The following HS6ST3 variants were observed in gnomAD, a reference collection of about 807,000 sequenced individuals.
HS6ST3 encodes the protein heparan sulfate 6-O-sulfotransferase 3, also known as heparan-sulfate 6-O-sulfotransferase 3.
A neutral mutation model predicts 36.7 loss-of-function variants in HS6ST3; 12 were observed. That is an observed-to-expected ratio of 0.33 (90% CI 0.21 to 0.53). HS6ST3 has a LOEUF of 0.53. Among genes scored for constraint, HS6ST3 ranks in the 20% least tolerant of loss-of-function variants. HS6ST3 has a pLI of 0.95. For missense variants in HS6ST3, 584 were observed against 640.9 expected (o/e 0.91, Z 0.96); for synonymous variants, 240 against 257.5 (o/e 0.93, Z 0.65).
At chr13:96,751,823 T>C (rs1352002682) in intron 1 of HS6ST3, among the ~76,000 whole-genome samples, 1 of 151,326 alleles carries the variant, frequency 6.6e-6, no homozygotes, top group Non-Finnish European at 1.5e-5. Flanking sequence ...TATATACACA[T>C]ATGTACACAC....
chr13:96,360,358 G>T (rs1277473450), intron 1 of HS6ST3, among the ~76,000 whole-genome samples: 2 of 152,006 alleles, frequency 1.3e-5, no homozygotes, highest in African/African-American at 4.8e-5. Flanking sequence ...CATTGTTGGG[G>T]TACAGAACAA....
chr13:96,727,381 T>C (rs183629256), intron 1 of HS6ST3, among the ~76,000 whole-genome samples: 2 of 152,148 alleles, frequency 1.3e-5, no homozygotes, highest in Admixed American at 1.3e-4. Flanking sequence ...TTAGTTCTTA[T>C]GATGATCACT....
intron 1 of HS6ST3, among the ~76,000 whole-genome samples, chr13:96,571,411 C>A (rs2056300529): frequency 6.6e-6 from 1 of 152,048 alleles, no homozygotes; most frequent in South Asian, 2.1e-4. Flanking sequence ...TAAATAAGGT[C>A]AATGATAAAC....
chr13:96,254,907 C>T (rs1387217190), intron 1 of HS6ST3, among the ~76,000 whole-genome samples: 1 of 152,156 alleles, frequency 6.6e-6, no homozygotes, highest in Non-Finnish European at 1.5e-5. Context: ...GATTTTTGAC[C>T]TTGTGGCTTT....
intron 1 of HS6ST3, among the ~76,000 whole-genome samples, chr13:96,274,857 A>ACG (rs1331169575): frequency 1.3e-5 from 2 of 148,828 alleles, no homozygotes; most frequent in Non-Finnish European, 3.0e-5. Context: ...ACACACACAC[A>ACG]CACACACACA....
chr13:96,610,852 T>G (rs2056454707), intron 1 of HS6ST3, among the ~76,000 whole-genome samples: 1 of 144,834 alleles, frequency 6.9e-6, no homozygotes, highest in Non-Finnish European at 1.5e-5. Flanking sequence ...CTGAAAAAAA[T>G]GAAAAAAAAA....
chr13:96,252,098 TA>T (rs1388563070), intron 1 of HS6ST3, among the ~76,000 whole-genome samples: 3 of 152,218 alleles, frequency 2.0e-5, no homozygotes, highest in Non-Finnish European at 4.4e-5. Context: ...GTAGTTTTCT[TA>T]TTAATTTTGT....
chr13:96,511,732 A>G (rs1363341677), intron 1 of HS6ST3, among the ~76,000 whole-genome samples: 2 of 151,848 alleles, frequency 1.3e-5, no homozygotes, highest in Non-Finnish European at 2.9e-5. Flanking sequence ...TTTTAATTTA[A>G]TCAAATCCAT....
At chr13:96,467,773 GAGA>G (rs1167094324) in intron 1 of HS6ST3, among the ~76,000 whole-genome samples, 2 of 152,118 alleles carry the variant, frequency 1.3e-5, no homozygotes, top group South Asian at 2.1e-4. Context: ...TGAGTACATT[GAGA>G]AGAAGAAGGA....
chr13:96,385,647 C>T (rs1405998641), intron 1 of HS6ST3, among the ~76,000 whole-genome samples: 1 of 152,030 alleles, frequency 6.6e-6, no homozygotes, highest in Non-Finnish European at 1.5e-5. Flanking sequence ...CACATTTGTC[C>T]ATCTCTTAAG....
At chr13:96,761,140 G>T (rs11842188) in intron 1 of HS6ST3, among the ~76,000 whole-genome samples, 41,800 of 150,134 alleles carry the variant, frequency 0.28, 5,961 homozygotes, top group Non-Finnish European at 0.32. Context: ...TTTGAGACAG[G>T]TCCTCACTGT....
chr13:96,409,864 T>C (rs906456078), intron 1 of HS6ST3, among the ~76,000 whole-genome samples: 5 of 152,154 alleles, frequency 3.3e-5, no homozygotes, highest in African/African-American at 9.7e-5. Context: ...AAACATCTTA[T>C]GAAGCGTGGT....
chr13:96,398,176 C>T (rs867408825), intron 1 of HS6ST3, among the ~76,000 whole-genome samples: 7 of 152,200 alleles, frequency 4.6e-5, no homozygotes, highest in South Asian at 2.1e-4. Flanking sequence ...AAGTGCTGAA[C>T]ACATGCTGCT....
chr13:96,363,142 C>A (rs2055246795), intron 1 of HS6ST3, among the ~76,000 whole-genome samples: 1 of 152,090 alleles, frequency 6.6e-6, no homozygotes, highest in South Asian at 2.1e-4. Context: ...CACACACTCA[C>A]ACACACCACA....
intron 1 of HS6ST3, among the ~76,000 whole-genome samples, chr13:96,225,185 C>T (rs886853157): frequency 2.6e-5 from 4 of 152,118 alleles, no homozygotes; most frequent in Non-Finnish European, 4.4e-5. Flanking sequence ...TACCCATATG[C>T]GAAGTCATTT....
intron 1 of HS6ST3, among the ~76,000 whole-genome samples, chr13:96,749,498 T>C (rs1230804607): frequency 6.6e-6 from 1 of 152,178 alleles, no homozygotes; most frequent in Non-Finnish European, 1.5e-5. Context: ...TTTTGGATTG[T>C]ATGTGTACGT....
At chr13:96,596,270 C>T (rs563027809) in intron 1 of HS6ST3, among the ~76,000 whole-genome samples, 70 of 152,210 alleles carry the variant, frequency 4.6e-4, no homozygotes, top group Admixed American at 4.1e-3. Flanking sequence ...CTGTGAAAGA[C>T]ATTATTTTGG....
At chr13:96,559,872 A>T (rs1332696230) in intron 1 of HS6ST3, among the ~76,000 whole-genome samples, 1 of 152,218 alleles carries the variant, frequency 6.6e-6, no homozygotes, top group African/African-American at 2.4e-5. Context: ...TGATCAAATC[A>T]TCAAGATGCT....
chr13:96,381,174 A>G (rs910801477), intron 1 of HS6ST3, among the ~76,000 whole-genome samples: 4 of 152,232 alleles, frequency 2.6e-5, no homozygotes, highest in Non-Finnish European at 5.9e-5. Flanking sequence ...GGCAATGGAT[A>G]ATGCTCTTTC....
Sources: gnomAD v4.1 joint callset for allele counts (sites outside exome capture counted in the v4.1 genomes callset) on GRCh38, gnomAD v4.1.1 for gene constraint, MANE v1.5 for transcripts, NCBI Gene and HGNC (gene_info 2026-07-23, HGNC 2026-07-21) for gene names.